FAF1: variants seen among roughly 807,000 people sequenced by gnomAD.
FAF1 encodes the protein Fas associated factor 1.
FAF1 carries 25 observed loss-of-function variants against 92.5 expected under a neutral mutation model. The ratio of observed to expected loss-of-function variants is 0.27; its 90% CI spans 0.20 to 0.38. FAF1 has a LOEUF of 0.38. Ranked by LOEUF, FAF1 falls within the 10% of genes least tolerant of loss-of-function variation. The probability of loss-of-function intolerance (pLI) is 1.00; values close to 1 mark genes in which losing one functional copy is unlikely to be tolerated. For synonymous variants in FAF1, 234 were observed against 273.2 expected, an observed-to-expected ratio of 0.86 and a Z score of 1.42; for missense variants, 636 against 793.3, an observed-to-expected ratio of 0.80 and a Z score of 2.38.
At chr1:50,493,812 CTG>C (rs1173061993) in intron 15 of FAF1, among the ~76,000 whole-genome samples, 1 of 152,202 alleles carries the variant, frequency 6.6e-6, no homozygotes, top group Admixed American at 6.5e-5. Context: ...CTGGCCCAAT[CTG>C]AGCCTGAAAT....
chr1:50,625,691 G>A (rs1162313288), intron 8 of FAF1, among the ~76,000 whole-genome samples: 1 of 152,166 alleles, frequency 6.6e-6, no homozygotes, highest in Non-Finnish European at 1.5e-5. Context: ...GTTTAGAGTG[G>A]TTGGAGGCCA....
intron 1 of FAF1, among the ~76,000 whole-genome samples, chr1:50,928,782 C>CAAAAAAAAAAAA (rs1157426126): frequency 2.8e-4 from 11 of 39,724 alleles, no homozygotes; most frequent in African/African-American, 7.0e-4. Context: ...GACTCCACCT[C>CAAAAAAAAAAAA]AAAAAAAAAA....
chr1:50,780,934 GA>G, intron 4 of FAF1: 13 of 484,812 alleles, frequency 2.7e-5, no homozygotes, highest in South Asian at 9.3e-5. Flanking sequence ...AATTGTGGTG[GA>G]AAAGGCTGAG....
chr1:50,577,524 G>GGAAAA (rs1309170797), intron 12 of FAF1, among the ~76,000 whole-genome samples: 2 of 151,994 alleles, frequency 1.3e-5, no homozygotes, highest in East Asian at 1.9e-4. Context: ...GACTCCATCT[G>GGAAAA]GAAAAGAAAA....
intron 18 of FAF1, among the ~76,000 whole-genome samples, chr1:50,472,697 C>T (rs1646591909): frequency 6.6e-6 from 1 of 152,032 alleles, no homozygotes; most frequent in South Asian, 2.1e-4. Context: ...GCTGAAGACA[C>T]AATTAAGACT....
In FAF1 at chr1:50,687,601, T is replaced by C. The variant is rs182011019; in HGVS notation, c.657+18185A>G. 3.8e-4 allele frequency among the ~76,000 whole-genome samples: 57 copies of C among 151,460 alleles called. 4 individuals are homozygous for C. The highest frequency in any genetic ancestry group is 1.4e-3 in the African/African-American group (56 of 41,270). ...CCCGTCTCTACTAAAAATACAAAAA[T>C]TAGCCAGGCATGGGGCGCGTGCCTG... On this transcript the variant is annotated intron_variant, in intron 7 of 18. Transcript: ENST00000396153.
At chr1:50,774,559 G>C (rs544028721) in intron 4 of FAF1, among the ~76,000 whole-genome samples, 70 of 152,116 alleles carry the variant, frequency 4.6e-4, no homozygotes, top group African/African-American at 1.6e-3. Context: ...GTAGCTTTAA[G>C]AAAGATCAAA....
At chr1:50,510,794 T>G (rs951201785) in intron 15 of FAF1, among the ~76,000 whole-genome samples, 1 of 152,138 alleles carries the variant, frequency 6.6e-6, no homozygotes, top group African/African-American at 2.4e-5. Context: ...CATAAATGAG[T>G]AATTTTAATA....
chr1:50,558,034 G>A (rs10888698), intron 13 of FAF1, among the ~76,000 whole-genome samples: 1 of 151,712 alleles, frequency 6.6e-6, no homozygotes, highest in South Asian at 2.1e-4. Flanking sequence ...AAGTAGCTGG[G>A]ACTACAGGCA....
chr1:50,959,655 A>G, intron 1 of FAF1, 112 bp downstream of exon 1: 1 of 843,674 alleles, frequency 1.2e-6, no homozygotes, highest in Non-Finnish European at 1.9e-6. Context: ...CACCGTATAA[A>G]AGCCTAAATG....
chr1:50,747,258 G>C lies in FAF1; in HGVS notation c.368-2483C>G, dbSNP rs1013050442. 3.5e-4 allele frequency among the ~76,000 whole-genome samples: 54 copies of C among 152,178 alleles called. 1 individual carries two copies. Among genetic ancestry groups the C allele is most frequent in the African/African-American group, 1.3e-3 (54 of 41,444 alleles). ...CTGGAGGCACTCAACACCTGCCCTTGAGAGCAGCCATGGAAGCTGAACACT... is the reference window on the plus strand; with the variant it reads ...CTGGAGGCACTCAACACCTGCCCTTCAGAGCAGCCATGGAAGCTGAACACT... On this transcript the variant is annotated intron_variant, in intron 4 of 18. Transcript: ENST00000396153.
chr1:50,522,854 A>G (rs1223901978), intron 15 of FAF1, among the ~76,000 whole-genome samples: 2 of 152,310 alleles, frequency 1.3e-5, no homozygotes, highest in South Asian at 4.1e-4. Context: ...ACCACCATCT[A>G]TTTCCTAACA....
chr1:50,709,129 T>C (rs574452804), intron 6 of FAF1, among the ~76,000 whole-genome samples: 4 of 152,336 alleles, frequency 2.6e-5, no homozygotes, highest in African/African-American at 9.6e-5. Flanking sequence ...CTAGAGCTTG[T>C]CTGACATCCC....
At chr1:50,946,001 T>C (rs1033359528) in intron 1 of FAF1, among the ~76,000 whole-genome samples, 7 of 152,212 alleles carry the variant, frequency 4.6e-5, no homozygotes, top group African/African-American at 1.7e-4. Context: ...GAAACCTCTA[T>C]GAATTAATGA....
intron 15 of FAF1, among the ~76,000 whole-genome samples, chr1:50,496,610 G>A (rs1646901475): frequency 6.6e-6 from 1 of 152,042 alleles, no homozygotes; most frequent in African/African-American, 2.4e-5. Flanking sequence ...TTATCTCTGG[G>A]GACCAAGCAC....
rs570220468 is a variant in FAF1 at position 50,895,989 on chromosome 1, A to G, written c.46-37992T>C. On this transcript the variant is annotated intron_variant, in intron 1 of 18. Transcript: ENST00000396153. ...AAGTCTTTCTTCTAAGATTGGGAACACAAGGATGCCCACTTTCACCACTGC... is the reference window on the plus strand; with the variant it reads ...AAGTCTTTCTTCTAAGATTGGGAACGCAAGGATGCCCACTTTCACCACTGC... Among the ~76,000 whole-genome samples the G allele has an allele frequency of 2.0e-5, 3 of 152,348 alleles. No homozygotes were observed. The South Asian group carries it at 6.2e-4, about 32-fold the overall frequency.
At chr1:50,446,576 C>G (rs1295065279) in intron 18 of FAF1, among the ~76,000 whole-genome samples, 1 of 152,164 alleles carries the variant, frequency 6.6e-6, no homozygotes, top group African/African-American at 2.4e-5. Flanking sequence ...GACCTGAGGG[C>G]AGGAGCTGAG....
At chr1:50,487,074 T>A (rs1036822964) in intron 17 of FAF1, among the ~76,000 whole-genome samples, 19 of 152,174 alleles carry the variant, frequency 1.2e-4, no homozygotes, top group African/African-American at 4.3e-4. Context: ...TAACTTGCCA[T>A]TGTCACACAT....
intron 1 of FAF1, among the ~76,000 whole-genome samples, chr1:50,938,383 A>C (rs1224166795): frequency 2.0e-5 from 3 of 152,222 alleles, no homozygotes; most frequent in African/African-American, 7.2e-5. Flanking sequence ...GTATGTCACC[A>C]GTACCCTTTC....
Sources: gnomAD v4.1 joint callset for allele counts (sites outside exome capture counted in the v4.1 genomes callset) on GRCh38, gnomAD v4.1.1 for gene constraint, MANE v1.5 for transcripts, NCBI Gene and HGNC (gene_info 2026-07-23, HGNC 2026-07-21) for gene names.